The following ZNRF3 variants were observed in gnomAD, a reference collection of about 807,000 sequenced individuals.
ZNRF3 encodes the protein E3 ubiquitin-protein ligase ZNRF3.
ZNRF3 carries 23 observed loss-of-function variants against 72.5 expected under a neutral mutation model. That is an observed-to-expected ratio of 0.32 (90% CI 0.23 to 0.45). The LOEUF is 0.45. ZNRF3 is among the 20% of genes least tolerant of loss of function. The pLI, the probability that ZNRF3 is intolerant of heterozygous loss-of-function variation, is 1.00. For missense variants in ZNRF3, 1,169 were observed against 1,272.1 expected (o/e 0.92, Z 1.23); for synonymous variants, 610 against 545.3 (o/e 1.12, Z -1.65).
intron 2 of ZNRF3, among the ~76,000 whole-genome samples, chr22:29,006,273 GCACAATCTCGGCTCAC>G (rs2036243852): frequency 7.4e-6 from 1 of 135,146 alleles, no homozygotes; most frequent in South Asian, 2.4e-4. Flanking sequence ...CCGTGCAATG[GCACAATCTCGGCTCAC>G]CGCAACCTCC....
intron 1 of ZNRF3, among the ~76,000 whole-genome samples, chr22:28,956,271 A>G (rs1158626814): frequency 6.8e-6 from 1 of 147,070 alleles, no homozygotes; most frequent in Admixed American, 6.8e-5. Flanking sequence ...AGAGAGGGTG[A>G]TGGATAGTTT....
intron 1 of ZNRF3, among the ~76,000 whole-genome samples, chr22:28,945,490 A>G (rs1297136088): frequency 6.6e-6 from 1 of 151,728 alleles, no homozygotes; most frequent in Non-Finnish European, 1.5e-5. Context: ...CCAGGAGTTC[A>G]AGACCAGCCT....
At chr22:29,001,472 CTT>C (rs750297109) in intron 2 of ZNRF3, among the ~76,000 whole-genome samples, 18 of 124,972 alleles carry the variant, frequency 1.4e-4, no homozygotes, top group Non-Finnish European at 1.4e-4. Context: ...ATTTTTTAAA[CTT>C]TTTTTTTTTT....
chr22:28,972,658 T>A (rs970371699), intron 1 of ZNRF3, among the ~76,000 whole-genome samples: 1 of 152,240 alleles, frequency 6.6e-6, no homozygotes, highest in African/African-American at 2.4e-5. Flanking sequence ...ATGGTCACTC[T>A]ATGTTTAAGC....
intron 1 of ZNRF3, among the ~76,000 whole-genome samples, chr22:28,896,413 G>A (rs1243275797): frequency 6.6e-6 from 1 of 152,216 alleles, no homozygotes. Context: ...GCTTACAGGT[G>A]TGAGCCACCA....
At chr22:29,042,342 A>T (rs1261543288) in intron 2 of ZNRF3, among the ~76,000 whole-genome samples, 153 bp from the exon 3 acceptor site, 2 of 152,150 alleles carry the variant, frequency 1.3e-5, no homozygotes, top group African/African-American at 4.8e-5. Context: ...AGATGGGAAA[A>T]TTGAGGATTA....
At chr22:28,940,777 CGAACCAGTAGGGA>C (rs2034931165) in intron 1 of ZNRF3, among the ~76,000 whole-genome samples, 2 of 152,154 alleles carry the variant, frequency 1.3e-5, no homozygotes, top group East Asian at 3.9e-4. Flanking sequence ...GTAAAAGAGA[CGAACCAGTAGGGA>C]TTTACTCTCC....
At chr22:28,886,845 A>G (rs1339607366) in intron 1 of ZNRF3, among the ~76,000 whole-genome samples, 2 of 151,522 alleles carry the variant, frequency 1.3e-5, no homozygotes, top group Non-Finnish European at 2.9e-5. Flanking sequence ...AGTCCCAGCT[A>G]TTTGGGAGGC....
intron 2 of ZNRF3, among the ~76,000 whole-genome samples, chr22:29,028,288 C>T (rs1487197842): frequency 6.6e-6 from 1 of 152,100 alleles, no homozygotes; most frequent in African/African-American, 2.4e-5. Context: ...AAATGTTCCA[C>T]CCTGCCACCT....
rs140524464 is a variant in ZNRF3 at position 28,934,781 on chromosome 22, G to A, written c.300+50715G>A. 7.8e-3 allele frequency among the ~76,000 whole-genome samples: 1,140 copies of A among 145,262 alleles called. 16 individuals carry two copies. Among genetic ancestry groups the A allele is most frequent in the African/African-American group, 0.028 (1,101 of 38,712 alleles). On this transcript the variant is annotated intron_variant, in intron 1 of 8. Coordinates refer to ENST00000544604, the MANE Select transcript of ZNRF3 (RefSeq NM_001206998.2). ...TGCAGTGAGCCGAGATAGTGCCACT[G>A]CACTCTAGCCTGGGTGACAGAGCAA...
intron 1 of ZNRF3, among the ~76,000 whole-genome samples, chr22:28,891,409 T>G (rs1239074182): frequency 2.6e-5 from 4 of 152,236 alleles, no homozygotes; most frequent in African/African-American, 9.6e-5. Context: ...GTGGTTGCTT[T>G]TCTTCTCTAA....
chr22:28,986,657 T>C, intron 1 of ZNRF3: 1 of 985,314 alleles, frequency 1.0e-6, no homozygotes. Context: ...GAAGTAGACA[T>C]GTTGTTGAAG....
intron 1 of ZNRF3, among the ~76,000 whole-genome samples, chr22:28,928,875 A>C (rs1394704045): frequency 1.3e-5 from 2 of 152,208 alleles, no homozygotes; most frequent in Non-Finnish European, 2.9e-5. Context: ...CTTTTAAAAT[A>C]TTTATACTGA....
At chr22:28,893,622 C>T (rs765629971) in intron 1 of ZNRF3, among the ~76,000 whole-genome samples, 4 of 151,812 alleles carry the variant, frequency 2.6e-5, no homozygotes, top group Non-Finnish European at 5.9e-5. Flanking sequence ...CTCAGTCTCC[C>T]GAGTAGCTGG....
In ZNRF3 at chr22:29,049,712, A is replaced by C. The variant is rs760292111; in HGVS notation, c.1531A>C (p.Thr511Pro). The C allele has an allele frequency of 6.2e-7, 1 of 1,602,030 alleles. No individual in the cohort carries two copies. Among genetic ancestry groups the C allele is most frequent in the Non-Finnish European group, 8.5e-7 (1 of 1,175,434 alleles). Residue 511 changes from threonine to proline, a missense_variant, in exon 8 of 9, where the codon ACC becomes CCC. This residue lies in a region of ZNRF3 where 783 missense variants were observed against 731.4 expected (regional missense o/e 1.07). Coordinates refer to ENST00000544604, the MANE Select transcript of ZNRF3 (RefSeq NM_001206998.2). This position sits in a 1 kb window ranked among gnomAD's most constrained non-coding sequence, Gnocchi z 5.2. ...PSGSGSLLFP[T>P]VVHVAPPSHL... ...CGGCAGTGGCAGCCTGCTCTTCCCC[A>C]CCGTGGTGCACGTGGCCCCGCCCTC...
At chr22:28,925,311 A>G (rs183388424) in intron 1 of ZNRF3, among the ~76,000 whole-genome samples, 12 of 152,232 alleles carry the variant, frequency 7.9e-5, no homozygotes, top group Admixed American at 3.9e-4. Context: ...AACCAAACCC[A>G]GCATGTGTAA....
At chr22:29,039,397 T>C (rs532744592) in intron 2 of ZNRF3, among the ~76,000 whole-genome samples, 8 of 152,286 alleles carry the variant, frequency 5.3e-5, no homozygotes, top group East Asian at 1.9e-4. Context: ...TCTGGACTTA[T>C]CTGAATTGTA....
chr22:29,042,618 C>A, intron 3 of ZNRF3, 49 bp downstream of exon 3: 1 of 1,551,880 alleles, frequency 6.4e-7, no homozygotes, highest in Non-Finnish European at 8.9e-7. Context: ...GAGAAAGGCA[C>A]TTCCTTTAGT....
intron 1 of ZNRF3, among the ~76,000 whole-genome samples, chr22:28,939,766 G>T (rs1457634076): frequency 6.6e-6 from 1 of 151,880 alleles, no homozygotes; most frequent in African/African-American, 2.4e-5. Context: ...CTGTAGAAAG[G>T]GTTCACATCC....
Sources: gnomAD v4.1 joint callset for allele counts (sites outside exome capture counted in the v4.1 genomes callset) on GRCh38, gnomAD v4.1.1 for gene constraint, gnomAD v4.1.1 regional missense constraint, Gnocchi (gnomAD v3.1) non-coding constraint, MANE v1.5 for transcripts, NCBI Gene and HGNC (gene_info 2026-07-23, HGNC 2026-07-21) for gene names.